NR1H2: variants seen among roughly 807,000 people sequenced by gnomAD.
NR1H2 encodes the protein nuclear receptor subfamily 1 group H member 2, also known as oxysterols receptor LXR-beta.
A neutral mutation model predicts 51.2 loss-of-function variants in NR1H2; 33 were observed. The observed-to-expected ratio is 0.64, with a 90% CI of 0.49 to 0.86. The LOEUF (loss-of-function observed/expected upper bound fraction) is 0.86, where lower values mean the gene tolerates loss of function less well. NR1H2 is among the 40% of genes least tolerant of loss of function. NR1H2 has a pLI of 0.00. For missense variants in NR1H2, 592 were observed against 639.9 expected (o/e 0.93, Z 0.81); for synonymous variants, 310 against 264.3 (o/e 1.17, Z -1.68).
chr19:50,377,617 T>A lies in NR1H2; in HGVS notation c.12T>A (p.Pro4=). The change falls in exon 3 of 10, where the codon CCT becomes CCA. Residue 4 remains proline, a synonymous_variant. Transcript: ENST00000253727. Reference sequence around the variant, plus strand: ...TCCGTGACCCCACCATGTCCTCTCCTACCACGAGTTCCCTGGATACCCCCC... The same window carrying A: ...TCCGTGACCCCACCATGTCCTCTCCAACCACGAGTTCCCTGGATACCCCCC... MSS[P]TTSSLDTPLP... 2 of 1,613,896 alleles carry A rather than the reference T, an allele frequency of 1.2e-6. No homozygotes were observed. Among genetic ancestry groups the A allele is most frequent in the Non-Finnish European group, 1.7e-6 (2 of 1,179,852 alleles).
Position 50,378,685 on chromosome 19 carries a change from G to C in NR1H2, c.636G>C (p.Gly212=), listed in dbSNP as rs1345052142. Residue 212 remains glycine, a synonymous_variant, in exon 6 of 10, where the codon GGG becomes GGC. Transcript: ENST00000253727. ...CTGAGGCAGGCAGCCAGGGCTCCGG[G>C]GAAGGCGAGGGTGTCCAGCTAACAG... ...GGSEAGSQGS[G]EGEGVQLTAA... 1 of 1,613,786 alleles carries C rather than the reference G, an allele frequency of 6.2e-7. No homozygotes were observed. The highest frequency in any genetic ancestry group is 8.5e-7 in the Non-Finnish European group (1 of 1,180,026).
chr19:50,382,327 A>C lies in NR1H2; in HGVS notation c.1237-129A>C, dbSNP rs910594705. 3 of 1,375,254 alleles carry C rather than the reference A, an allele frequency of 2.2e-6. No individual in the cohort carries two copies. The Admixed American group carries it at 6.9e-5, about 32-fold the overall frequency. The allele number at this position is 1,375,254 out of a possible 1,614,324, so 85.2% of individuals were successfully genotyped here. On this transcript the variant is annotated intron_variant, in intron 9 of 9. Transcript: ENST00000253727. ...TCGACTGGGAGCCAGGTCTAGTCCA[A>C]GCACAGAGGCGGGCCCCACGCTGGC...
chr19:50,377,974 C>T (rs939560374), intron 4 of NR1H2, 104 bp downstream of exon 4: 16 of 1,458,432 alleles, frequency 1.1e-5, no homozygotes, highest in East Asian at 2.3e-5. Context: ...GCTTTTTGTT[C>T]TTGCTTTCTC....
chr19:50,377,588 C>G lies in NR1H2; in HGVS notation c.-18C>G. ...CTCTCAATCCCCTGTATTCTACAGGCTGCTCCGTGACCCCACCATGTCCTC... is the reference window on the plus strand; with the variant it reads ...CTCTCAATCCCCTGTATTCTACAGGGTGCTCCGTGACCCCACCATGTCCTC... On this transcript the variant is annotated splice_region_variant and 5_prime_UTR_variant, in exon 3 of 10. Transcript: ENST00000253727. 1 of 1,612,986 alleles carries G rather than the reference C, an allele frequency of 6.2e-7. No individual in the cohort carries two copies. Among genetic ancestry groups the G allele is most frequent in the Non-Finnish European group, 8.5e-7 (1 of 1,179,212 alleles).
At chr19:50,380,271 A>G (rs1356222250) in intron 8 of NR1H2, among the ~76,000 whole-genome samples, 1 of 152,182 alleles carries the variant, frequency 6.6e-6, no homozygotes, top group African/African-American at 2.4e-5. Flanking sequence ...GCATTAGGAA[A>G]AGCATTCCCC....
At chr19:50,377,960 C>T (rs1201363904) in intron 4 of NR1H2, 90 bp downstream of exon 4, 6 of 1,476,906 alleles carry the variant, frequency 4.1e-6, no homozygotes, top group Non-Finnish European at 5.4e-6. Context: ...AGGCCCTGAT[C>T]TTTGCTTTTT....
chr19:50,378,008 T>C (rs2037697358), intron 4 of NR1H2, 138 bp downstream of exon 4: 1 of 1,426,718 alleles, frequency 7.0e-7, no homozygotes, highest in Non-Finnish European at 9.4e-7. Context: ...TCTTTCTAAA[T>C]TGCAATTTCC....
rs367663939 is a variant in NR1H2 at position 50,378,809 on chromosome 19, C to T, written c.747+13C>T. ...GCCCAAAGTCACGGTACTGCCCCCT[C>T]CACAACCTTGAGTGTGACGGTCCCA... On this transcript the variant is annotated intron_variant, in intron 6 of 9. Coordinates refer to ENST00000253727, the MANE Select transcript of NR1H2 (RefSeq NM_007121.7). 19 of 1,610,320 alleles carry T rather than the reference C, an allele frequency of 1.2e-5. No individual in the cohort carries two copies. The highest frequency in any genetic ancestry group is 5.3e-5 in the African/African-American group (4 of 74,906).
chr19:50,379,877 C>A lies in NR1H2; in HGVS notation c.1025C>A (p.Ala342Glu). ...TACAGCAAGGACGACTTCCACCGTG[C>A]AGGTAGGGCCCAGGGGAGGCTTCGG... ...FTYSKDDFHR[A>E]GLQVEFINPI... The change falls in exon 8 of 10, where the codon GCA (alanine) becomes GAA (glutamate). Residue 342 changes from alanine to glutamate, a missense_variant and splice_region_variant. By Grantham distance (107) the Ala-to-Glu change is moderately radical. Coordinates refer to ENST00000253727, the MANE Select transcript of NR1H2 (RefSeq NM_007121.7). 1 of 1,609,614 alleles carries A rather than the reference C, an allele frequency of 6.2e-7. No homozygotes were observed. The highest frequency in any genetic ancestry group is 8.5e-7 in the Non-Finnish European group (1 of 1,175,986).
rs1489887603 is a variant in NR1H2, at chr19:50,382,638, C to A, written c.*36C>A. ...ACCCAGCCCCACAGCCTTGCCTGAC[C>A]ACCCTCCAGCAGATAGACGCCGGCA... On this transcript the variant is annotated 3_prime_UTR_variant, in exon 10 of 10. Coordinates refer to ENST00000253727, the MANE Select transcript of NR1H2 (RefSeq NM_007121.7). 2 of 1,512,938 alleles carry A rather than the reference C, an allele frequency of 1.3e-6. No homozygotes were observed. Among genetic ancestry groups the A allele is most frequent in the Non-Finnish European group, 1.8e-6 (2 of 1,135,988 alleles). 93.7% of individuals were successfully genotyped at this position (1,512,938 alleles called of 1,614,324 possible).
At chr19:50,381,884 G>A in intron 8 of NR1H2, 82 bp from the exon 9 acceptor site, 1 of 1,207,666 alleles carries the variant, frequency 8.3e-7, no homozygotes, top group Non-Finnish European at 1.2e-6. Context: ...CCCAGCCCCA[G>A]AGACTGTGGG....
rs1359220262 is a variant in NR1H2, at chr19:50,380,018, A to G, written c.1027+139A>G. ...GGTTGAGCCAAGGTGAGAGTGAGGT[A>G]AGAGTGCATGTGCCACGTGTGGTGG... is the stretch of plus-strand genomic sequence containing the variant. On this transcript the variant is annotated intron_variant, in intron 8 of 9. Transcript: ENST00000253727. 8 of 673,754 alleles carry G rather than the reference A, an allele frequency of 1.2e-5. No homozygotes were observed. In the South Asian group the frequency reaches 1.3e-4, roughly 11 times the overall value. The allele number at this position is 673,754 out of a possible 1,614,324, so 41.7% of individuals were successfully genotyped here.
Position 50,383,026 on chromosome 19 carries a change from G to C in NR1H2, c.*424G>C, listed in dbSNP as rs1277624457. The C allele has an allele frequency of 6.5e-6, 1 of 154,654 alleles. No individual in the cohort carries two copies. The highest frequency in any genetic ancestry group is 1.4e-5 in the Non-Finnish European group (1 of 69,758). 9.6% of individuals were successfully genotyped at this position (154,654 alleles called of 1,614,324 possible). ...ATACAATCCAGCCCGGAGCTGGAGT[G>C]CAAGATGGAGAGGGCGCGGGCTTCT... On this transcript the variant is annotated 3_prime_UTR_variant, in exon 10 of 10. Coordinates refer to ENST00000253727, the MANE Select transcript of NR1H2 (RefSeq NM_007121.7).
chr19:50,377,347 G>C (rs902841151), intron 2 of NR1H2: 1 of 462,202 alleles, frequency 2.2e-6, no homozygotes, highest in Non-Finnish European at 3.8e-6. Flanking sequence ...GACCTGAGGG[G>C]GCGGGGCCTA....
Position 50,382,033 on chromosome 19 carries a change from C to T in NR1H2, c.1095C>T (p.Asp365=), listed in dbSNP as rs199733064. The T allele has an allele frequency of 1.9e-3, 2,931 of 1,565,718 alleles. 5 individuals carry two copies. Among genetic ancestry groups the T allele is most frequent in the Middle Eastern group, 5.5e-3 (33 of 6,010 alleles). The change falls in exon 9 of 10, where the codon GAC becomes GAT. Residue 365 remains aspartate, a synonymous_variant. Coordinates refer to ENST00000253727, the MANE Select transcript of NR1H2 (RefSeq NM_007121.7). ...FSRAMRRLGL[D]DAEYALLIAI... ...GGGCCATGCGGCGGCTGGGCCTGGA[C>T]GACGCTGAGTACGCCCTGCTCATCG...
intron 2 of NR1H2, 111 bp downstream of exon 2, chr19:50,376,937 TG>T (rs1176422764): frequency 3.1e-4 from 20 of 64,100 alleles, no homozygotes; most frequent in African/African-American, 1.2e-3. Flanking sequence ...GAGGCGGGGC[TG>T]GGGGCGGGGC....
chr19:50,378,190 A>C lies in NR1H2; in HGVS notation c.223A>C (p.Lys75Gln). 1 of 1,612,760 alleles carries C rather than the reference A, an allele frequency of 6.2e-7. No homozygotes were observed. Residue 75 changes from lysine to glutamine, a missense_variant, in exon 5 of 10, where the codon AAG (lysine) becomes CAG (glutamine). By Grantham distance (53) the Lys-to-Gln change is moderately conservative (BLOSUM62 1). Coordinates refer to ENST00000253727, the MANE Select transcript of NR1H2 (RefSeq NM_007121.7). ...AGAGGAACCAGAGCGCAAGCGAAAG[A>C]AGGGCCCAGCCCCGAAGATGCTGGG... Reference protein sequence around the residue: ...PEEEPERKRKKGPAPKMLGHE... With the variant: ...PEEEPERKRKQGPAPKMLGHE...
intron 8 of NR1H2, 56 bp downstream of exon 8, chr19:50,379,935 T>TG (rs1006063033): frequency 6.4e-6 from 7 of 1,099,972 alleles, no homozygotes; most frequent in Admixed American, 1.7e-5. Flanking sequence ...CTGGAAGACC[T>TG]GGGGCCAACT....
intron 8 of NR1H2, among the ~76,000 whole-genome samples, chr19:50,381,323 C>T (rs894781910): frequency 1.3e-5 from 2 of 152,234 alleles, no homozygotes; most frequent in African/African-American, 2.4e-5. Context: ...ACTGCTCCAG[C>T]GTCACCCAGA....
Sources: gnomAD v4.1 joint callset for allele counts (sites outside exome capture counted in the v4.1 genomes callset) on GRCh38, gnomAD v4.1.1 for gene constraint, MANE v1.5 for transcripts, NCBI Gene and HGNC (gene_info 2026-07-23, HGNC 2026-07-21) for gene names.